KCNAB1: variants seen among roughly 807,000 people sequenced by gnomAD.
The protein encoded by KCNAB1 is voltage-gated potassium channel subunit beta-1.
KCNAB1 carries 35 observed loss-of-function variants against 64.6 expected under a neutral mutation model. The observed-to-expected ratio is 0.54, with a 90% CI of 0.41 to 0.72. The LOEUF is 0.72. Ranked by LOEUF, KCNAB1 falls within the 30% of genes least tolerant of loss-of-function variation. The pLI is 0.00. For missense variants in KCNAB1, 401 were observed against 512.9 expected, an observed-to-expected ratio of 0.78 and a Z score of 2.11; for synonymous variants, 177 against 183.8, an observed-to-expected ratio of 0.96 and a Z score of 0.30.
chr3:156,171,994 C>T (rs1332315756), intron 1 of KCNAB1, among the ~76,000 whole-genome samples: 3 of 152,200 alleles, frequency 2.0e-5, no homozygotes, highest in African/African-American at 7.2e-5. Context: ...TCTTATCACA[C>T]ACACCTTCTA....
chr3:156,233,337 T>C (rs540660506), intron 1 of KCNAB1, among the ~76,000 whole-genome samples: 1 of 152,036 alleles, frequency 6.6e-6, no homozygotes, highest in African/African-American at 2.4e-5. Flanking sequence ...TCAAGGAAGG[T>C]CTCGCTGAGA....
intron 1 of KCNAB1, among the ~76,000 whole-genome samples, chr3:156,289,010 A>C (rs1029561229): frequency 2.6e-5 from 4 of 152,078 alleles, no homozygotes; most frequent in Non-Finnish European, 5.9e-5. Context: ...CCTGCTATGC[A>C]CAAGGCACTC....
chr3:156,267,813 T>C (rs1718807342), intron 1 of KCNAB1, among the ~76,000 whole-genome samples: 1 of 152,218 alleles, frequency 6.6e-6, no homozygotes, highest in African/African-American at 2.4e-5. Flanking sequence ...ATTGGATATT[T>C]TGATACAGGC....
At chr3:156,204,405 C>G (rs1192731184) in intron 1 of KCNAB1, among the ~76,000 whole-genome samples, 1 of 152,162 alleles carries the variant, frequency 6.6e-6, no homozygotes, top group East Asian at 1.9e-4. Context: ...GTTTGGTAGG[C>G]TCCTTTTAAA....
At position 156,354,110 on chromosome 3, in the gene KCNAB1, A is replaced by ATG. The variant is rs1381874881; in HGVS notation, c.276-67496_276-67495dup. Among the ~76,000 whole-genome samples the ATG allele has an allele frequency of 9.8e-3, 1,147 of 116,596 alleles. 11 individuals are homozygous for ATG. Among genetic ancestry groups the ATG allele is most frequent in the African/African-American group, 0.032 (918 of 29,008 alleles). 76.5% of individuals were successfully genotyped at this position (116,596 alleles called of 152,430 possible). On this transcript the variant is annotated intron_variant, in intron 1 of 13. Transcript: ENST00000490337. The stretch of plus-strand genomic sequence containing the variant: ...GTATATATATAATATATGTATATAT[A>ATG]TGTGTGTGTGTATATATATATATAT...
chr3:156,199,927 T>C (rs1714214980), intron 1 of KCNAB1, among the ~76,000 whole-genome samples: 1 of 152,252 alleles, frequency 6.6e-6, no homozygotes, highest in Non-Finnish European at 1.5e-5. Flanking sequence ...TCATCACTTT[T>C]GCACTGTTTT....
At chr3:156,486,780 T>C (rs946511688) in intron 8 of KCNAB1, among the ~76,000 whole-genome samples, 4 of 152,176 alleles carry the variant, frequency 2.6e-5, no homozygotes, top group Non-Finnish European at 5.9e-5. Flanking sequence ...ACTCTTGTAG[T>C]CTTCTAGCCT....
intron 1 of KCNAB1, among the ~76,000 whole-genome samples, chr3:156,381,935 T>C (rs1712190226): frequency 6.6e-6 from 1 of 152,194 alleles, no homozygotes; most frequent in Admixed American, 6.5e-5. Flanking sequence ...AAGAAAAAGA[T>C]GAAATGCAAA....
chr3:156,157,842 G>T lies in KCNAB1; in HGVS notation c.275+36956G>T, dbSNP rs1043853439. Among the ~76,000 whole-genome samples, 20 of 152,026 alleles carry T rather than the reference G, an allele frequency of 1.3e-4. No homozygotes were observed. In the East Asian group the frequency reaches 1.7e-3, roughly 13 times the overall value. Reference sequence around the variant, plus strand: ...GCTATTTTTAGGCATTAGAAAGGTGGATTATTTTTTTTCCTTTCCTCTATT... The same window carrying T: ...GCTATTTTTAGGCATTAGAAAGGTGTATTATTTTTTTTCCTTTCCTCTATT... On this transcript the variant is annotated intron_variant, in intron 1 of 13. Coordinates refer to ENST00000490337, the MANE Select transcript of KCNAB1 (RefSeq NM_172160.3).
At chr3:156,339,120 AGT>A (rs1363535653) in intron 1 of KCNAB1, among the ~76,000 whole-genome samples, 1 of 152,108 alleles carries the variant, frequency 6.6e-6, no homozygotes, top group African/African-American at 2.4e-5. Context: ...TGAATGATCC[AGT>A]GACTCTGGTC....
At chr3:156,312,880 G>C (rs914379320) in intron 1 of KCNAB1, among the ~76,000 whole-genome samples, 1 of 152,138 alleles carries the variant, frequency 6.6e-6, no homozygotes, top group Admixed American at 6.5e-5. Flanking sequence ...AGGCAGGGAA[G>C]GTGTTAACAA....
chr3:156,193,929 A>T (rs894108721), intron 1 of KCNAB1, among the ~76,000 whole-genome samples: 2 of 152,178 alleles, frequency 1.3e-5, no homozygotes, highest in Admixed American at 1.3e-4. Context: ...CTTCATCATA[A>T]GTTGAAAAGC....
rs995234204 is a variant in KCNAB1 at position 156,439,853 on chromosome 3, G to A, written c.320-13046G>A. Among the ~76,000 whole-genome samples the A allele has an allele frequency of 3.3e-5, 5 of 152,204 alleles. No homozygotes were observed. In the East Asian group the frequency reaches 9.6e-4, roughly 29 times the overall value. ...TTCTACCATCATAACTCCCTGGATCGATGCTGACCTCCCAGCCACCCTCCA... is the reference window on the plus strand; with the variant it reads ...TTCTACCATCATAACTCCCTGGATCAATGCTGACCTCCCAGCCACCCTCCA... On this transcript the variant is annotated intron_variant, in intron 2 of 13. Coordinates refer to ENST00000490337, the MANE Select transcript of KCNAB1 (RefSeq NM_172160.3).
intron 1 of KCNAB1, among the ~76,000 whole-genome samples, chr3:156,158,118 T>G (rs1391104050): frequency 7.7e-5 from 11 of 142,204 alleles, no homozygotes; most frequent in East Asian, 2.1e-4. Flanking sequence ...TGAGGAGAGA[T>G]AGCGCCACTG....
At chr3:156,401,910 T>C (rs1713921252) in intron 1 of KCNAB1, among the ~76,000 whole-genome samples, 1 of 151,208 alleles carries the variant, frequency 6.6e-6, no homozygotes, top group Non-Finnish European at 1.5e-5. Context: ...GAGAAGCAAA[T>C]TGTGGTTTGA....
intron 8 of KCNAB1, among the ~76,000 whole-genome samples, chr3:156,484,325 T>C (rs955246032): frequency 6.6e-6 from 1 of 151,688 alleles, no homozygotes; most frequent in African/African-American, 2.4e-5. Context: ...GGATGCTTTT[T>C]TCTTCTTCTT....
chr3:156,137,250 C>T (rs139176346), intron 1 of KCNAB1, among the ~76,000 whole-genome samples: 129 of 151,080 alleles, frequency 8.5e-4, no homozygotes, highest in East Asian at 7.9e-3. Context: ...TATGCTATAA[C>T]GCAGGAGTAT....
intron 1 of KCNAB1, among the ~76,000 whole-genome samples, chr3:156,408,052 G>T (rs1007492463): frequency 6.6e-6 from 1 of 152,126 alleles, no homozygotes; most frequent in Non-Finnish European, 1.5e-5. Flanking sequence ...GACGGGGGAG[G>T]GGGTGCAGTG....
chr3:156,183,140 A>C (rs1712977217), intron 1 of KCNAB1, among the ~76,000 whole-genome samples: 1 of 152,182 alleles, frequency 6.6e-6, no homozygotes, highest in Admixed American at 6.5e-5. Context: ...AAGAGTATAC[A>C]GAGTGGAAAG....
Sources: allele counts gnomAD v4.1 joint callset (sites outside exome capture counted in the v4.1 genomes callset), GRCh38; gene constraint gnomAD v4.1.1; transcripts MANE v1.5; gene names NCBI Gene and HGNC (gene_info 2026-07-23, HGNC 2026-07-21).